Variants in KYNU observed in about 807,000 individuals in gnomAD.
The protein encoded by KYNU is L-kynurenine hydrolase.
Under a neutral mutation model 59.2 loss-of-function variants are expected in KYNU, and 54 were observed. The observed-to-expected ratio is 0.91, with a 90% CI of 0.73 to 1.14. The LOEUF (loss-of-function observed/expected upper bound fraction) is 1.14, where lower values mean the gene tolerates loss of function less well. KYNU is among the 50% of genes most tolerant of loss of function. The pLI, the probability that KYNU is intolerant of heterozygous loss-of-function variation, is 0.00. For missense variants in KYNU, 567 were observed against 554.4 expected, an observed-to-expected ratio of 1.02 and a Z score of -0.23; for synonymous variants, 177 against 192.0, an observed-to-expected ratio of 0.92 and a Z score of 0.65.
chr2:142,987,829 A>G (rs1447653528), intron 10 of KYNU, among the ~76,000 whole-genome samples: 1 of 151,890 alleles, frequency 6.6e-6, no homozygotes, highest in African/African-American at 2.4e-5. Context: ...TGATGGGACA[A>G]TGGGGCCTTT....
chr2:142,925,271 G>T (rs914933532), intron 3 of KYNU, among the ~76,000 whole-genome samples: 1 of 152,094 alleles, frequency 6.6e-6, no homozygotes, highest in Non-Finnish European at 1.5e-5. Flanking sequence ...CAAGCTGCAG[G>T]CTATCTAATA....
In KYNU at chr2:143,042,149, G is replaced by T. The variant is rs374401375; in HGVS notation, c.1375G>T (p.Asp459Tyr). The T allele has an allele frequency of 6.2e-7, 1 of 1,609,712 alleles. No homozygotes were observed. The highest frequency in any genetic ancestry group is 1.1e-5 in the South Asian group (1 of 90,940). Residue 459 changes from aspartate to tyrosine, a missense_variant, in exon 14 of 14, where the codon GAC becomes TAC. Asp to Tyr is a radical substitution (Grantham distance 160). Transcript: ENST00000264170. The part of the protein sequence containing the change: ...KFTNLLTSIL[D>Y]SAETKN ...TACCAATCTGCTCACTTCTATACTT[G>T]ACTCTGCAGAAACAAAAAATTAGCA...
At position 142,900,656 on chromosome 2, in the gene KYNU, C is replaced by T. The variant is rs931606812; in HGVS notation, c.169+15120C>T. On this transcript the variant is annotated intron_variant, in intron 2 of 13. Coordinates refer to ENST00000264170, the MANE Select transcript of KYNU (RefSeq NM_003937.3). ...CTAGGCTTAGGAATTCTTAGTCGGC[C>T]TAGGAAATCCAGTCAGTCCTGTCTC... Among the ~76,000 whole-genome samples the T allele has an allele frequency of 2.6e-5, 4 of 152,156 alleles. No individual in the cohort carries two copies. The East Asian group carries it at 7.7e-4, about 29-fold the overall frequency.
At chr2:142,891,033 G>A (rs991599324) in intron 2 of KYNU, among the ~76,000 whole-genome samples, 7 of 152,074 alleles carry the variant, frequency 4.6e-5, no homozygotes, top group Non-Finnish European at 1.5e-5. Context: ...AATTTTAAGT[G>A]AAAATGTCCA....
At chr2:142,943,629 T>C (rs1683675318) in intron 4 of KYNU, among the ~76,000 whole-genome samples, 1 of 152,182 alleles carries the variant, frequency 6.6e-6, no homozygotes, top group Non-Finnish European at 1.5e-5. Context: ...TCTCCCTGGA[T>C]AGATAAAAAT....
intron 3 of KYNU, among the ~76,000 whole-genome samples, chr2:142,923,750 G>A (rs1471501312): frequency 6.6e-6 from 1 of 152,164 alleles, no homozygotes; most frequent in African/African-American, 2.4e-5. Flanking sequence ...TACATAAAGG[G>A]TGTTCTCTCT....
At position 142,985,258 on chromosome 2, in the gene KYNU, G is replaced by A. The variant is rs544466158; in HGVS notation, c.828+76G>A. On this transcript the variant is annotated intron_variant, in intron 9 of 13. Transcript: ENST00000264170. ...TCTGAAGGAGAAACTGGGTCTGTGG[G>A]CCAATTTTAAAGATTTGAGTTACTT... 7 of 896,270 alleles carry A rather than the reference G, an allele frequency of 7.8e-6. No individual in the cohort carries two copies. The Admixed American group carries it at 1.0e-4, about 13-fold the overall frequency. 55.5% of individuals were successfully genotyped at this position (896,270 alleles called of 1,614,324 possible).
intron 1 of KYNU, among the ~76,000 whole-genome samples, chr2:142,878,715 T>G (rs563771925): frequency 6.6e-6 from 1 of 152,200 alleles, no homozygotes; most frequent in Non-Finnish European, 1.5e-5. Context: ...TACAAGCTTT[T>G]TACTTTAAAG....
At chr2:143,005,222 A>G (rs76971544) in intron 10 of KYNU, among the ~76,000 whole-genome samples, 7,974 of 152,254 alleles carry the variant, frequency 0.052, 555 homozygotes, top group African/African-American at 0.16. Flanking sequence ...GGAGAGATCA[A>G]TCCTTCCCCC....
At chr2:142,996,318 C>T (rs555942061) in intron 10 of KYNU, among the ~76,000 whole-genome samples, 2 of 152,104 alleles carry the variant, frequency 1.3e-5, no homozygotes, top group South Asian at 4.2e-4. Flanking sequence ...AAAGTCTATA[C>T]CTATTCATAA....
intron 4 of KYNU, chr2:142,947,323 A>G (rs1683823318): frequency 8.5e-7 from 1 of 1,170,308 alleles, no homozygotes; most frequent in East Asian, 2.6e-5. Flanking sequence ...GAAGCATTCC[A>G]TTTTTTCTAT....
chr2:142,976,297 C>T (rs1204868122), intron 8 of KYNU, among the ~76,000 whole-genome samples: 3 of 152,154 alleles, frequency 2.0e-5, no homozygotes, highest in African/African-American at 7.2e-5. Flanking sequence ...TCTTCCCCAC[C>T]TGGGGCCCTT....
chr2:142,934,189 G>A (rs755259228), intron 4 of KYNU, among the ~76,000 whole-genome samples: 13 of 152,170 alleles, frequency 8.5e-5, no homozygotes, highest in Non-Finnish European at 1.9e-4. Context: ...AGGCCTATGC[G>A]AGTTGCTTGG....
chr2:142,959,017 TAAC>T (rs1236988715), intron 7 of KYNU, among the ~76,000 whole-genome samples: 1 of 152,112 alleles, frequency 6.6e-6, no homozygotes, highest in Non-Finnish European at 1.5e-5. Context: ...GATATTTTAA[TAAC>T]AATCCCATTA....
intron 8 of KYNU, among the ~76,000 whole-genome samples, chr2:142,962,836 C>A (rs1684395188): frequency 6.6e-6 from 1 of 152,080 alleles, no homozygotes. Flanking sequence ...CAAGGTGAGG[C>A]AAAGTTCTTT....
intron 10 of KYNU, among the ~76,000 whole-genome samples, chr2:143,017,441 T>C (rs113564046): frequency 3.6e-4 from 28 of 77,618 alleles, no homozygotes; most frequent in African/African-American, 4.1e-4. Context: ...TTTCTTTTTT[T>C]TTTTTTTTTT....
At chr2:142,917,317 C>A (rs1443107054) in intron 2 of KYNU, among the ~76,000 whole-genome samples, 1 of 152,146 alleles carries the variant, frequency 6.6e-6, no homozygotes, top group Non-Finnish European at 1.5e-5. Flanking sequence ...TATGGATGAA[C>A]CCAGAGCTCC....
At chr2:142,932,859 G>A (rs992134098) in intron 4 of KYNU, among the ~76,000 whole-genome samples, 1 of 152,174 alleles carries the variant, frequency 6.6e-6, no homozygotes, top group South Asian at 2.1e-4. Context: ...GGGTTCATCT[G>A]TTAGATTTGG....
chr2:142,918,533 T>G (rs1682751601), intron 2 of KYNU, 76 bp from the exon 3 acceptor site: 2 of 1,398,974 alleles, frequency 1.4e-6, no homozygotes, highest in Non-Finnish European at 1.9e-6. Context: ...GTATTAATTA[T>G]TTGTACTGGC....
Sources: gnomAD v4.1 joint callset for allele counts (sites outside exome capture counted in the v4.1 genomes callset) on GRCh38, gnomAD v4.1.1 for gene constraint, MANE v1.5 for transcripts, NCBI Gene and HGNC (gene_info 2026-07-23, HGNC 2026-07-21) for gene names.